Variants in GLIS3 observed in about 807,000 individuals in gnomAD.
The protein encoded by GLIS3 is GLIS family zinc finger 3, also known as zinc finger protein GLIS3.
GLIS3 carries 53 observed loss-of-function variants against 78.6 expected under a neutral mutation model. The observed-to-expected ratio is 0.67, with a 90% CI of 0.54 to 0.85. GLIS3 has a LOEUF of 0.85. Ranked by LOEUF, GLIS3 falls within the 40% of genes least tolerant of loss-of-function variation. The pLI is 0.00. For missense variants in GLIS3, 1,703 were observed against 1,231.1 expected, an observed-to-expected ratio of 1.38 and a Z score of -5.74; for synonymous variants, 684 against 509.9, an observed-to-expected ratio of 1.34 and a Z score of -4.60.
chr9:4,395,580 C>T, the GLIS3 span, among the ~76,000 whole-genome samples: 1 of 152,108 alleles, frequency 6.6e-6, no homozygotes, highest in Admixed American at 6.5e-5. Context: ...TCTCCTTCGT[C>T]CCTGGCCTCT....
intron 9 of GLIS3, chr9:3,855,408 G>T (rs4289864): frequency 6.4e-6 from 1 of 156,048 alleles, no homozygotes; most frequent in Admixed American, 6.2e-5. Context: ...TGATGGGTCA[G>T]AAAATGCTCA....
intron 2 of GLIS3, among the ~76,000 whole-genome samples, chr9:4,220,521 G>C (rs1215715208): frequency 6.6e-6 from 1 of 152,154 alleles, no homozygotes; most frequent in Non-Finnish European, 1.5e-5. Flanking sequence ...CATCATGTCT[G>C]TGGTATTTCT....
chr9:4,412,103 G>C, the GLIS3 span, among the ~76,000 whole-genome samples: 1 of 152,150 alleles, frequency 6.6e-6, no homozygotes, highest in African/African-American at 2.4e-5. Context: ...TTCTGAAAAT[G>C]TCTTGCTCAT....
chr9:4,474,764 A>G, the GLIS3 span, among the ~76,000 whole-genome samples: 1 of 142,120 alleles, frequency 7.0e-6, no homozygotes, highest in East Asian at 2.1e-4. Flanking sequence ...TGGCATGAAC[A>G]TGGCTCACTG....
chr9:4,470,526 C>T, the GLIS3 span, among the ~76,000 whole-genome samples: 1 of 152,196 alleles, frequency 6.6e-6, no homozygotes, highest in Non-Finnish European at 1.5e-5. Flanking sequence ...TCAATAGATG[C>T]AGAAAAGGCC....
the GLIS3 span, among the ~76,000 whole-genome samples, chr9:4,451,260 A>G: frequency 6.6e-6 from 1 of 152,248 alleles, no homozygotes; most frequent in South Asian, 2.1e-4. Flanking sequence ...GAAGGCCACT[A>G]CATGATGGTA....
At chr9:4,317,932 A>G (rs1164165107) in intron 2 of GLIS3, among the ~76,000 whole-genome samples, 1 of 152,240 alleles carries the variant, frequency 6.6e-6, no homozygotes, top group Non-Finnish European at 1.5e-5. Context: ...TGTTCCTTGT[A>G]TGATTGATGA....
At chr9:4,385,958 G>C in the GLIS3 span, among the ~76,000 whole-genome samples, 1 of 152,130 alleles carries the variant, frequency 6.6e-6, no homozygotes, top group Non-Finnish European at 1.5e-5. Flanking sequence ...AGCAGAGAAT[G>C]CTTCAGGACA....
chr9:3,897,643 G>T (rs1455901341), intron 7 of GLIS3, among the ~76,000 whole-genome samples: 4 of 152,092 alleles, frequency 2.6e-5, no homozygotes, highest in African/African-American at 9.7e-5. Context: ...AGGTCCAATG[G>T]GCCATGATTA....
At chr9:3,847,631 TAATC>T (rs1284812067) in intron 9 of GLIS3, among the ~76,000 whole-genome samples, 37 of 152,388 alleles carry the variant, frequency 2.4e-4, no homozygotes, top group African/African-American at 7.9e-4. Context: ...GTCATTTCCA[TAATC>T]AATCATTCCA....
At chr9:4,098,932 T>A (rs1586662160) in intron 4 of GLIS3, among the ~76,000 whole-genome samples, 1 of 152,122 alleles carries the variant, frequency 6.6e-6, no homozygotes, top group Non-Finnish European at 1.5e-5. Flanking sequence ...AAACTCCCAA[T>A]AGTCAGCTTC....
In GLIS3 at chr9:3,920,416, A is replaced by T. The variant is rs181059445; in HGVS notation, c.1983+11944T>A. The stretch of plus-strand genomic sequence containing the variant: ...TTTGCTATGTTAAAGTGTCTAATCA[A>T]TTTCATGCTTAATATTCTATGGGGA... On this transcript the variant is annotated intron_variant, in intron 6 of 10. Transcript: ENST00000381971. 5.4e-4 allele frequency among the ~76,000 whole-genome samples: 82 copies of T among 152,234 alleles called. 1 individual carries two copies. The East Asian group carries it at 0.015, about 28-fold the overall frequency.
At chr9:4,050,329 C>A (rs955509738) in intron 4 of GLIS3, among the ~76,000 whole-genome samples, 2 of 152,132 alleles carry the variant, frequency 1.3e-5, no homozygotes, top group Non-Finnish European at 2.9e-5. Flanking sequence ...CCATTATTCT[C>A]AGTAAACTAT....
At chr9:3,910,143 A>G (rs1368801529) in intron 6 of GLIS3, among the ~76,000 whole-genome samples, 1 of 151,868 alleles carries the variant, frequency 6.6e-6, no homozygotes, top group Non-Finnish European at 1.5e-5. Flanking sequence ...CTACAGATCC[A>G]CCCCCCTGTG....
rs568899585 is a variant in GLIS3 at position 4,048,410 on chromosome 9, G to A, written c.1710+69358C>T. 3.3e-5 allele frequency among the ~76,000 whole-genome samples: 5 copies of A among 152,188 alleles called. No homozygotes were observed. The South Asian group carries it at 1.0e-3, about 32-fold the overall frequency. ...TCTTTTTAAACAGTCCACCTTAAAT[G>A]CTGATATTATATGGGGCTATCATAT... On this transcript the variant is annotated intron_variant, in intron 4 of 10. Coordinates refer to ENST00000381971, the MANE Select transcript of GLIS3 (RefSeq NM_001042413.2).
intron 2 of GLIS3, among the ~76,000 whole-genome samples, chr9:4,160,969 A>C (rs1004123319): frequency 9.2e-5 from 14 of 151,516 alleles, no homozygotes; most frequent in Middle Eastern, 6.9e-3. Flanking sequence ...GTTGGCTGGG[A>C]GTGGTGGTTC....
intron 2 of GLIS3, among the ~76,000 whole-genome samples, chr9:4,267,993 A>G (rs1176359539): frequency 6.6e-6 from 1 of 151,814 alleles, no homozygotes; most frequent in African/African-American, 2.4e-5. Context: ...ATGTGTATAT[A>G]TATGTGTGTG....
rs569711452 is a variant in GLIS3 at position 4,118,608 on chromosome 9, G to A, written c.870C>T (p.Ser290=). The change falls in exon 4 of 11, where the codon TCC becomes TCT. Residue 290 remains serine (S), a synonymous_variant. Transcript: ENST00000381971. This position sits in a 1 kb window ranked among gnomAD's most constrained non-coding sequence, Gnocchi z 4.7. Reference sequence around the variant, plus strand: ...TGGAGCGGGCCGAGTGGGACCTGGTGGATGAGTGCCGAGGACTAGGGTAAG... The same window carrying A: ...TGGAGCGGGCCGAGTGGGACCTGGTAGATGAGTGCCGAGGACTAGGGTAAG... ...HSPYPSPRHS[S]TRSHSARSKK... is the part of the protein sequence containing the mutation. 5 of 1,614,230 alleles carry A rather than the reference G, an allele frequency of 3.1e-6. No individual in the cohort carries two copies. In the Admixed American group the frequency reaches 5.0e-5, roughly 16 times the overall value.
At chr9:4,467,817 T>C in the GLIS3 span, among the ~76,000 whole-genome samples, 1 of 152,152 alleles carries the variant, frequency 6.6e-6, no homozygotes, top group Non-Finnish European at 1.5e-5. Flanking sequence ...AGGTTTCCGA[T>C]GATCGGTAAT....
Sources: gnomAD v4.1 joint callset for allele counts (sites outside exome capture counted in the v4.1 genomes callset) on GRCh38, gnomAD v4.1.1 for gene constraint, Gnocchi (gnomAD v3.1) non-coding constraint, MANE v1.5 for transcripts, NCBI Gene and HGNC (gene_info 2026-07-23, HGNC 2026-07-21) for gene names.